The following MLLT10 variants were observed in gnomAD, a reference collection of about 807,000 sequenced individuals.
MLLT10 encodes the protein protein AF-10.
In MLLT10, 30 loss-of-function variants were observed where a neutral mutation model predicts 129.1. The observed-to-expected ratio is 0.23, with a 90% confidence interval of 0.17 to 0.32. The LOEUF (loss-of-function observed/expected upper bound fraction) is 0.32. MLLT10 is among the 10% of genes least tolerant of loss of function. The probability of loss-of-function intolerance (pLI) is 1.00; values close to 1 mark genes in which losing one functional copy is unlikely to be tolerated. For synonymous variants in MLLT10, 490 were observed against 446.4 expected, an observed-to-expected ratio of 1.10 and a Z score of -1.23; for missense variants, 1,119 against 1,268.3, an observed-to-expected ratio of 0.88 and a Z score of 1.79.
rs757603694 is a variant in MLLT10 at position 21,534,625 on chromosome 10, T to TC, written c.1-14dup. On this transcript the variant is annotated intron_variant, in intron 1 of 22. Coordinates refer to ENST00000307729, the MANE Select transcript of MLLT10 (RefSeq NM_001195626.3). ...TCGGCTTGCATGTGTTTTTTAATGGTCCCCCCAACTCCCTCTTAGATGGTC... is the reference window on the plus strand; with the variant it reads ...TCGGCTTGCATGTGTTTTTTAATGGTCCCCCCCAACTCCCTCTTAGATGGTC... 8.7e-5 allele frequency: 139 copies of TC among 1,590,492 alleles called. No homozygotes were observed. The highest frequency in any genetic ancestry group is 1.1e-4 in the Non-Finnish European group (134 of 1,166,864).
chr10:21,721,027 T>C (rs2057094996), intron 14 of MLLT10, among the ~76,000 whole-genome samples: 1 of 152,180 alleles, frequency 6.6e-6, no homozygotes, highest in Non-Finnish European at 1.5e-5. Flanking sequence ...TTTTTCCTCC[T>C]GAAAGTATAT....
At position 21,570,240 on chromosome 10, in the gene MLLT10, G is replaced by A. The variant is rs549893437; in HGVS notation, c.241-16054G>A. On this transcript the variant is annotated intron_variant, in intron 3 of 22. Transcript: ENST00000307729. ...TGTGTGTGTGTGTGTGTGTGTGCGCGCGTGTGTGTGTGTTTAGAGATGGGG... is the reference window on the plus strand; with the variant it reads ...TGTGTGTGTGTGTGTGTGTGTGCGCACGTGTGTGTGTGTTTAGAGATGGGG... Among the ~76,000 whole-genome samples, 271 of 149,506 alleles carry A rather than the reference G, an allele frequency of 1.8e-3. 2 individuals are homozygous for A. Among genetic ancestry groups the A allele is most frequent in the Non-Finnish European group, 3.3e-3 (220 of 67,630 alleles).
intron 9 of MLLT10, chr10:21,669,103 A>AT (rs375218528): frequency 2.7e-3 from 3,217 of 1,208,982 alleles, no homozygotes; most frequent in South Asian, 6.0e-3. Flanking sequence ...GTAAAATGGG[A>AT]TTTTTTTTTT....
At chr10:21,728,076 TAAATTAATTTAA>T in intron 16 of MLLT10, 148 bp downstream of exon 16, 1 of 578,750 alleles carries the variant, frequency 1.7e-6, no homozygotes. Context: ...AAAATGATTC[TAAATTAATTTAA>T]ATATTAATTT....
intron 8 of MLLT10, among the ~76,000 whole-genome samples, chr10:21,642,014 C>T (rs2048051287): frequency 6.6e-6 from 1 of 152,136 alleles, no homozygotes; most frequent in African/African-American, 2.4e-5. Context: ...CATCTAAAGG[C>T]AGGAAGGGAA....
At chr10:21,627,152 C>T (rs966239072) in intron 8 of MLLT10, among the ~76,000 whole-genome samples, 6 of 152,106 alleles carry the variant, frequency 3.9e-5, no homozygotes, top group African/African-American at 1.4e-4. Flanking sequence ...TAACATTTTA[C>T]CATATTAATG....
rs774563216 is a variant in MLLT10, at chr10:21,740,017, T to G, written c.2956-13T>G. On this transcript the variant is annotated splice_polypyrimidine_tract_variant and intron_variant, in intron 21 of 22. Transcript: ENST00000307729. ...TTGGGAACTCATTTTCTCTCACATG[T>G]TTTTTGCCTAAGGAACAACATCAAG... is the stretch of plus-strand genomic sequence containing the variant. 3.2e-6 allele frequency: 5 copies of G among 1,578,266 alleles called. No homozygotes were observed. Among genetic ancestry groups the G allele is most frequent in the Non-Finnish European group, 4.3e-6 (5 of 1,159,058 alleles).
intron 15 of MLLT10, among the ~76,000 whole-genome samples, chr10:21,727,376 G>A (rs2057596023): frequency 1.3e-5 from 2 of 151,962 alleles, no homozygotes; most frequent in African/African-American, 4.8e-5. Context: ...CTTGGTGTAA[G>A]GCTCTAGTGT....
intron 8 of MLLT10, among the ~76,000 whole-genome samples, chr10:21,648,813 G>A (rs1300777399): frequency 6.6e-6 from 1 of 152,196 alleles, no homozygotes; most frequent in Non-Finnish European, 1.5e-5. Flanking sequence ...AGGCGAAGGA[G>A]GAGTAAAGGC....
At chr10:21,686,852 C>T (rs965814188) in intron 13 of MLLT10, among the ~76,000 whole-genome samples, 3 of 151,974 alleles carry the variant, frequency 2.0e-5, no homozygotes, top group East Asian at 3.9e-4. Context: ...CGTGATGGTG[C>T]GTGTCTGTAA....
intron 3 of MLLT10, among the ~76,000 whole-genome samples, chr10:21,568,162 G>A (rs1314973177): frequency 2.0e-5 from 3 of 152,092 alleles, no homozygotes; most frequent in African/African-American, 7.2e-5. Context: ...CGGTGTTCCT[G>A]ATGTACTCAC....
intron 8 of MLLT10, among the ~76,000 whole-genome samples, chr10:21,647,116 A>G (rs894726580): frequency 6.6e-6 from 1 of 152,128 alleles, no homozygotes; most frequent in African/African-American, 2.4e-5. Context: ...TCGGCCTCCC[A>G]AAGTGCTGGG....
In MLLT10 at chr10:21,673,721, A is replaced by G; in HGVS notation, c.1423A>G (p.Lys475Glu). Reference protein sequence around the residue: ...EKKRKGNKQSKHGPGRPKGNK... With the variant: ...EKKRKGNKQSEHGPGRPKGNK... ...GAAAAGGAAAGGAAATAAACAAAGT[A>G]AGCATGGGCCTGGCAGACCCAAAGG... The change falls in exon 11 of 23, where the codon AAG becomes GAG. Residue 475 changes from lysine to glutamate, a missense_variant. Lys to Glu is a moderately conservative substitution (Grantham distance 56, BLOSUM62 1). Coordinates refer to ENST00000307729, the MANE Select transcript of MLLT10 (RefSeq NM_001195626.3). The G allele has an allele frequency of 6.2e-7, 1 of 1,614,166 alleles. No individual in the cohort carries two copies. The highest frequency in any genetic ancestry group is 1.1e-5 in the South Asian group (1 of 91,074).
At chr10:21,582,277 G>A (rs1319894306) in intron 3 of MLLT10, among the ~76,000 whole-genome samples, 1 of 151,890 alleles carries the variant, frequency 6.6e-6, no homozygotes, top group East Asian at 1.9e-4. Flanking sequence ...GCCACCACAT[G>A]CAGCTAATTT....
intron 3 of MLLT10, among the ~76,000 whole-genome samples, chr10:21,566,775 G>GATATGGTTTTT: frequency 6.7e-6 from 1 of 150,118 alleles, no homozygotes; most frequent in Non-Finnish European, 1.5e-5. Context: ...TTTTTTTTTA[G>GATATGGTTTTT]TTCATTGATA....
Position 21,727,895 on chromosome 10 carries a change from G to A in MLLT10, c.2030G>A (p.Arg677Lys), listed in dbSNP as rs1262064938. 1 of 1,614,098 alleles carries A rather than the reference G, an allele frequency of 6.2e-7. No homozygotes were observed. Among genetic ancestry groups the A allele is most frequent in the East Asian group, 2.2e-5 (1 of 44,884 alleles). The change falls in exon 16 of 23, where the codon AGA becomes AAA. Residue 677 changes from arginine (R) to lysine (K), a missense_variant. Coordinates refer to ENST00000307729, the MANE Select transcript of MLLT10 (RefSeq NM_001195626.3). Reference sequence around the variant, plus strand: ...GACAATAGCCGCAACCTAGTTGGCAGAGGAAGCTCACCCCGAGGAAGTCTC... The same window carrying A: ...GACAATAGCCGCAACCTAGTTGGCAAAGGAAGCTCACCCCGAGGAAGTCTC... ...LGDNSRNLVG[R>K]GSSPRGSLSP...
chr10:21,534,084 C>T, upstream of MLLT10: 1 of 226,900 alleles, frequency 4.4e-6, no homozygotes, highest in Non-Finnish European at 8.6e-6. Context: ...TCGCGCCCAC[C>T]CCCAGCACAC....
At chr10:21,605,978 C>T (rs1280496676) in intron 5 of MLLT10, among the ~76,000 whole-genome samples, 1 of 151,928 alleles carries the variant, frequency 6.6e-6, no homozygotes, top group Non-Finnish European at 1.5e-5. Context: ...GTAAGCAAGT[C>T]TATCGGTTTC....
At chr10:21,586,024 G>A (rs1403951694) in intron 3 of MLLT10, among the ~76,000 whole-genome samples, 2 of 152,144 alleles carry the variant, frequency 1.3e-5, no homozygotes, top group Admixed American at 6.5e-5. Context: ...GCCTCCCAAA[G>A]TTCTAAGATT....
Sources: allele counts gnomAD v4.1 joint callset (sites outside exome capture counted in the v4.1 genomes callset), GRCh38; gene constraint gnomAD v4.1.1; transcripts MANE v1.5; gene names NCBI Gene and HGNC (gene_info 2026-07-23, HGNC 2026-07-21).